The following COL5A1 variants were observed in gnomAD, a reference collection of about 807,000 sequenced individuals.
COL5A1 encodes collagen type V alpha 1 chain.
Under a neutral mutation model 263.7 loss-of-function variants are expected in COL5A1, and 16 were observed. That is an observed-to-expected ratio of 0.06 (90% CI 0.04 to 0.09). COL5A1 has a LOEUF of 0.09. Among genes scored for constraint, COL5A1 ranks in the 10% least tolerant of loss-of-function variants. The pLI is 1.00. For synonymous variants in COL5A1, 1,012 were observed against 1,004.5 expected (o/e 1.01, Z -0.14); for missense variants, 2,036 against 2,540.5 (o/e 0.80, Z 4.27).
Position 134,802,908 on chromosome 9 carries a change from C to T in COL5A1, c.3027C>T (p.Gly1009=). Residue 1009 remains glycine (G), a synonymous_variant, in exon 39 of 66, where the codon GGC becomes GGT. Transcript: ENST00000371817. ...CACAGGGTCCCACGGGAGAAACGGGCCCAATGGGTGAGCGTGGCCACCCTG... is the reference window on the plus strand; with the variant it reads ...CACAGGGTCCCACGGGAGAAACGGGTCCAATGGGTGAGCGTGGCCACCCTG... ...VGPQGPTGET[G]PMGERGHPGP... 1 of 1,612,340 alleles carries T rather than the reference C, an allele frequency of 6.2e-7. No individual in the cohort carries two copies. Among genetic ancestry groups the T allele is most frequent in the Non-Finnish European group, 8.5e-7 (1 of 1,179,652 alleles).
intron 1 of COL5A1, among the ~76,000 whole-genome samples, chr9:134,649,845 A>G (rs1395135694): frequency 1.3e-5 from 2 of 152,174 alleles, no homozygotes; most frequent in African/African-American, 4.8e-5. Flanking sequence ...ATGGAATACT[A>G]TGCAGCCATA....
At chr9:134,828,693 A>G (rs1012452015) in intron 63 of COL5A1, among the ~76,000 whole-genome samples, 1 of 150,924 alleles carries the variant, frequency 6.6e-6, no homozygotes, top group Non-Finnish European at 1.5e-5. Context: ...CACCACACAT[A>G]CCACATACCA....
intron 1 of COL5A1, among the ~76,000 whole-genome samples, chr9:134,683,605 A>C (rs756689994): frequency 1.3e-5 from 2 of 152,082 alleles, no homozygotes; most frequent in Non-Finnish European, 2.9e-5. Flanking sequence ...TGTGTGTAGA[A>C]GCTGTGGGTT....
chr9:134,685,102 CCATCCATCCATTCATCCAT>C (rs1832980575), intron 1 of COL5A1, among the ~76,000 whole-genome samples: 1 of 132,888 alleles, frequency 7.5e-6, no homozygotes, highest in Non-Finnish European at 1.6e-5. Context: ...CATCCATCCA[CCATCCATCCATTCATCCAT>C]CCATCCATCC....
Position 134,691,022 on chromosome 9 carries a change from G to T in COL5A1, c.220G>T (p.Ala74Ser). The T allele has an allele frequency of 6.2e-7, 1 of 1,613,744 alleles. No homozygotes were observed. ...TRRSSKGPDVAYRVTKDAQLS... is the reference protein window; with the variant it reads ...TRRSSKGPDVSYRVTKDAQLS... Reference sequence around the variant, plus strand: ...GCGATCTTCCAAAGGCCCGGATGTCGCTTACAGAGTCACCAAAGACGCGCA... The same window carrying T: ...GCGATCTTCCAAAGGCCCGGATGTCTCTTACAGAGTCACCAAAGACGCGCA... Residue 74 changes from alanine (A) to serine (S), a missense_variant, in exon 2 of 66, where the codon GCT (alanine) becomes TCT (serine). Physicochemically the swap from Ala to Ser is moderately conservative, Grantham distance 99. Coordinates refer to ENST00000371817, the MANE Select transcript of COL5A1 (RefSeq NM_000093.5).
intron 1 of COL5A1, among the ~76,000 whole-genome samples, chr9:134,689,450 T>C (rs1833195092): frequency 6.6e-6 from 1 of 152,148 alleles, no homozygotes; most frequent in African/African-American, 2.4e-5. Context: ...CTAACTCCAA[T>C]TGGCATTAGC....
chr9:134,661,652 C>A (rs1264821286), intron 1 of COL5A1, among the ~76,000 whole-genome samples: 1 of 152,094 alleles, frequency 6.6e-6, no homozygotes, highest in Non-Finnish European at 1.5e-5. Flanking sequence ...TGCAACCCTG[C>A]CCAGCCCACT....
chr9:134,651,006 C>G (rs1313617277), intron 1 of COL5A1, among the ~76,000 whole-genome samples: 4 of 152,234 alleles, frequency 2.6e-5, no homozygotes, highest in African/African-American at 9.6e-5. Flanking sequence ...CGCAAGCAGC[C>G]TCTGTCCATT....
At chr9:134,738,650 TC>T in intron 10 of COL5A1, 95 bp from the exon 11 acceptor site, 1 of 1,488,210 alleles carries the variant, frequency 6.7e-7, no homozygotes, top group Non-Finnish European at 9.4e-7. Flanking sequence ...GCCGGCGCTA[TC>T]CCACCCCCAC....
At chr9:134,776,065 C>G (rs952575573) in intron 27 of COL5A1, among the ~76,000 whole-genome samples, 6 of 152,146 alleles carry the variant, frequency 3.9e-5, no homozygotes, top group Non-Finnish European at 7.3e-5. Flanking sequence ...AAATCAAGTG[C>G]CCCACCCTTG....
chr9:134,832,110 A>G (rs1197253564), intron 64 of COL5A1, among the ~76,000 whole-genome samples: 4 of 151,998 alleles, frequency 2.6e-5, no homozygotes, highest in African/African-American at 9.7e-5. Context: ...ATTAAAAAAC[A>G]AAATGCAAAA....
At chr9:134,669,535 A>AGTGGC (rs1286181358) in intron 1 of COL5A1, among the ~76,000 whole-genome samples, 1 of 152,014 alleles carries the variant, frequency 6.6e-6, no homozygotes, top group Non-Finnish European at 1.5e-5. Flanking sequence ...GGCGGCCAGG[A>AGTGGC]GTGGCTAACT....
chr9:134,752,627 A>C lies in COL5A1; in HGVS notation c.1701A>C (p.Thr567=), dbSNP rs143647239. 2.7e-5 allele frequency: 43 copies of C among 1,612,774 alleles called. No homozygotes were observed. The highest frequency in any genetic ancestry group is 7.6e-6 in the Non-Finnish European group (9 of 1,179,076). The change falls in exon 14 of 66, where the codon ACA becomes ACC. Residue 567 remains threonine, a synonymous_variant. Transcript: ENST00000371817. Reference sequence around the variant, plus strand: ...GACCAGCTGGCCCGATGGGTCTCACAGGGAGACCTGGCCCTGTGGTAAGTC... The same window carrying C: ...GACCAGCTGGCCCGATGGGTCTCACCGGGAGACCTGGCCCTGTGGTAAGTC... ...LRGPAGPMGL[T]GRPGPVGPPG...
At chr9:134,826,397 C>T (rs1001835863) in intron 63 of COL5A1, among the ~76,000 whole-genome samples, 8 of 152,180 alleles carry the variant, frequency 5.3e-5, no homozygotes, top group African/African-American at 1.4e-4. Flanking sequence ...GTGAAGAATT[C>T]GGGGTGGGGA....
chr9:134,832,299 G>T (rs545110758), intron 64 of COL5A1, among the ~76,000 whole-genome samples: 1 of 152,100 alleles, frequency 6.6e-6, no homozygotes, highest in African/African-American at 2.4e-5. Context: ...CCAGCTACTC[G>T]GGAGGCTGAG....
At chr9:134,705,884 C>A (rs563029504) in intron 4 of COL5A1, among the ~76,000 whole-genome samples, 2 of 152,328 alleles carry the variant, frequency 1.3e-5, no homozygotes, top group African/African-American at 4.8e-5. Flanking sequence ...GAGGATGGAG[C>A]CGCTGAGAGG....
intron 52 of COL5A1, 111 bp from the exon 53 acceptor site, chr9:134,816,915 C>A: frequency 2.0e-6 from 2 of 976,436 alleles, no homozygotes; most frequent in Non-Finnish European, 1.6e-6. Context: ...AAGAGAGAGG[C>A]GGCCGCAGGG....
intron 1 of COL5A1, among the ~76,000 whole-genome samples, chr9:134,669,131 A>G (rs1832449590): frequency 2.0e-5 from 3 of 147,540 alleles, no homozygotes; most frequent in Non-Finnish European, 4.5e-5. Context: ...TCACCCACCC[A>G]TCCACCCTCC....
chr9:134,748,251 AT>A (rs1835641350), intron 11 of COL5A1, among the ~76,000 whole-genome samples: 2 of 151,852 alleles, frequency 1.3e-5, no homozygotes, highest in African/African-American at 4.8e-5. Context: ...GCACACATGC[AT>A]TTACACATGC....
Sources: gnomAD v4.1 joint callset for allele counts (sites outside exome capture counted in the v4.1 genomes callset) on GRCh38, gnomAD v4.1.1 for gene constraint, MANE v1.5 for transcripts, NCBI Gene and HGNC (gene_info 2026-07-23, HGNC 2026-07-21) for gene names.